NMRAL1: variants seen among roughly 807,000 people sequenced by gnomAD.
NMRAL1 encodes NmrA like redox sensor 1.
A neutral mutation model predicts 27.5 loss-of-function variants in NMRAL1; 32 were observed. That is an observed-to-expected ratio of 1.16 (90% CI 0.88 to 1.56). The LOEUF (loss-of-function observed/expected upper bound fraction) is 1.56. Among genes scored for constraint, NMRAL1 ranks in the 40% most tolerant of loss-of-function variants. The pLI, the probability that NMRAL1 is intolerant of heterozygous loss-of-function variation, is 0.00. For synonymous variants in NMRAL1, 166 were observed against 166.8 expected (o/e 1.00, Z 0.04); for missense variants, 420 against 392.0 (o/e 1.07, Z -0.60).
intron 4 of NMRAL1, 134 bp downstream of exon 4, chr16:4,466,019 G>C (rs1233096498): frequency 5.9e-6 from 6 of 1,009,144 alleles, no homozygotes; most frequent in Admixed American, 2.2e-5. Context: ...GACAGGATGT[G>C]CTCAGTCCTG....
intron 2 of NMRAL1, 141 bp from the exon 3 acceptor site, chr16:4,469,606 A>C (rs2057471555): frequency 6.8e-7 from 1 of 1,481,164 alleles, no homozygotes; most frequent in Non-Finnish European, 8.9e-7. Flanking sequence ...AGGTATTTTT[A>C]TTTTCTTTAT....
intron 3 of NMRAL1, chr16:4,467,280 C>G (rs532023260): frequency 1.3e-5 from 2 of 152,540 alleles, no homozygotes; most frequent in Admixed American, 6.5e-5. Context: ...GTCACCCAGG[C>G]AGGAGTGCAG....
intron 3 of NMRAL1, among the ~76,000 whole-genome samples, chr16:4,467,347 C>T (rs978057983): frequency 6.6e-6 from 1 of 152,106 alleles, no homozygotes; most frequent in African/African-American, 2.4e-5. Flanking sequence ...AATTCTCCTG[C>T]CTCACCCTCC....
At chr16:4,475,606 C>T (rs1383930648), upstream of NMRAL1, among the ~76,000 whole-genome samples, 3 of 152,094 alleles carry the variant, frequency 2.0e-5, no homozygotes, top group East Asian at 5.8e-4. Context: ...GCCACCACAC[C>T]CGGCCCACGA....
Position 4,469,446 on chromosome 16 carries a change from C to T in NMRAL1, c.60G>A (p.Val20=). The T allele has an allele frequency of 1.2e-6, 2 of 1,613,942 alleles. No homozygotes were observed. Among genetic ancestry groups the T allele is most frequent in the Non-Finnish European group, 1.7e-6 (2 of 1,179,946 alleles). Residue 20 remains valine (V), a synonymous_variant, in exon 3 of 6, where the codon GTG becomes GTA. Coordinates refer to ENST00000283429, the MANE Select transcript of NMRAL1 (RefSeq NM_020677.6). ...TCCCATCTTCCAGGAGTGTGCGGGCCACGGAGCCACCCTGGGCACCTACAA... is the reference window on the plus strand; with the variant it reads ...TCCCATCTTCCAGGAGTGTGCGGGCTACGGAGCCACCCTGGGCACCTACAA... ...FGGTGAQGGS[V]ARTLLEDGTF...
At position 4,467,923 on chromosome 16, in the gene NMRAL1, T is replaced by G. The variant is rs143173106; in HGVS notation, c.279+1304A>C. Among the ~76,000 whole-genome samples, 793 of 151,960 alleles carry G rather than the reference T, an allele frequency of 5.2e-3. 6 individuals are homozygous for G. Among genetic ancestry groups the G allele is most frequent in the Non-Finnish European group, 9.2e-3 (626 of 67,944 alleles). Reference sequence around the variant, plus strand: ...GCATGAGCCACTGTGCCCAGCTGATTTCTATGGTTTTAAGCCACGTGGATT... The same window carrying G: ...GCATGAGCCACTGTGCCCAGCTGATGTCTATGGTTTTAAGCCACGTGGATT... On this transcript the variant is annotated intron_variant, in intron 3 of 5. Coordinates refer to ENST00000283429, the MANE Select transcript of NMRAL1 (RefSeq NM_020677.6).
intron 4 of NMRAL1, chr16:4,464,370 T>A (rs2057232472): frequency 6.4e-6 from 1 of 156,178 alleles, no homozygotes; most frequent in East Asian, 1.9e-4. Flanking sequence ...ACGGCTGGCC[T>A]AGAGCAGCAC....
At chr16:4,462,131 G>A (rs915945569) in intron 5 of NMRAL1, among the ~76,000 whole-genome samples, 172 bp from the exon 6 acceptor site, 1 of 152,172 alleles carries the variant, frequency 6.6e-6, no homozygotes, top group Non-Finnish European at 1.5e-5. Context: ...TCTAAGAGCC[G>A]AAAGTTCAGA....
chr16:4,461,757 C>T lies in NMRAL1; in HGVS notation c.*23G>A. 6.3e-7 allele frequency: 1 copy of T among 1,593,484 alleles called. No individual in the cohort carries two copies. The highest frequency in any genetic ancestry group is 8.5e-7 in the Non-Finnish European group (1 of 1,170,086). On this transcript the variant is annotated 3_prime_UTR_variant, in exon 6 of 6. Transcript: ENST00000283429. ...GCCCCTCTGGTGCCCCCGATCCCCA[C>T]AAGGGGCCGCGAGGCGGGCAGGTCA... is the stretch of plus-strand genomic sequence containing the variant.
At chr16:4,471,619 CAAAAAA>C (rs997725293) in intron 2 of NMRAL1, among the ~76,000 whole-genome samples, 1 of 58,502 alleles carries the variant, frequency 1.7e-5, no homozygotes, top group Non-Finnish European at 4.0e-5. Flanking sequence ...GCCCTGTCTC[CAAAAAA>C]AAAAAAAAAA....
intron 2 of NMRAL1, among the ~76,000 whole-genome samples, chr16:4,469,864 A>AT (rs1283005931): frequency 7.7e-6 from 1 of 130,194 alleles, no homozygotes; most frequent in Non-Finnish European, 1.6e-5. Context: ...GAGAATCTGT[A>AT]TTAAAAAAAA....
At chr16:4,472,467 G>T (rs559153211) in intron 2 of NMRAL1, among the ~76,000 whole-genome samples, 1 of 151,904 alleles carries the variant, frequency 6.6e-6, no homozygotes, top group Admixed American at 6.6e-5. Flanking sequence ...AAAGTTGGCC[G>T]GGCGCGGTGG....
chr16:4,473,157 C>A (rs889724676), intron 2 of NMRAL1, among the ~76,000 whole-genome samples: 3 of 151,702 alleles, frequency 2.0e-5, no homozygotes, highest in Non-Finnish European at 4.4e-5. Flanking sequence ...TTTGTAGAGA[C>A]GAGATTTTGC....
chr16:4,468,752 C>T (rs1353391614), intron 3 of NMRAL1, among the ~76,000 whole-genome samples: 1 of 151,636 alleles, frequency 6.6e-6, no homozygotes, highest in African/African-American at 2.4e-5. Context: ...TACACGTGGA[C>T]ATGAAGGCAA....
At chr16:4,468,365 C>T (rs370200747) in intron 3 of NMRAL1, among the ~76,000 whole-genome samples, 118 of 152,216 alleles carry the variant, frequency 7.8e-4, no homozygotes, top group African/African-American at 2.7e-3. Flanking sequence ...CCTGTAATCC[C>T]AGCACTTTGG....
At chr16:4,463,620 C>T (rs962738868) in intron 5 of NMRAL1, 40 bp downstream of exon 5, 1 of 1,603,170 alleles carries the variant, frequency 6.2e-7, no homozygotes, top group African/African-American at 1.3e-5. Flanking sequence ...CTAGAAAGCC[C>T]TGACAAGGAT....
At chr16:4,469,017 C>A (rs143329249) in intron 3 of NMRAL1, among the ~76,000 whole-genome samples, 5 of 149,392 alleles carry the variant, frequency 3.3e-5, no homozygotes, top group African/African-American at 1.2e-4. Flanking sequence ...TGGTTGCTCA[C>A]GGAGACTGAG....
rs777808765 is a variant in NMRAL1, at chr16:4,466,150, TACTC to T, written c.528_529+2del. On this transcript the variant is annotated splice_donor_variant and coding_sequence_variant, in exon 4 of 6. Coordinates refer to ENST00000283429, the MANE Select transcript of NMRAL1 (RefSeq NM_020677.6). LOFTEE classifies it high-confidence loss of function. ...CTCACCGTGTGCGAGAAAGGGCACT[TACTC>T]AGCAAGTAGCTCTTTCCGTCTGGGG... 1.4e-5 allele frequency: 22 copies of T among 1,614,112 alleles called. No individual in the cohort carries two copies. Among genetic ancestry groups the T allele is most frequent in the South Asian group, 8.8e-5 (8 of 91,084 alleles).
In NMRAL1 at chr16:4,461,936, C is replaced by T. The variant is rs1270779017; in HGVS notation, c.744G>A (p.Lys248=). Residue 248 remains lysine, a synonymous_variant, in exon 6 of 6, where the codon AAG becomes AAA. Coordinates refer to ENST00000283429, the MANE Select transcript of NMRAL1 (RefSeq NM_020677.6). ...DAKMTPEDYE[K]LGFPGARDLA... is the part of the protein sequence containing the mutation. ...GGTCCCGGGCACCGGGAAAGCCAAG[C>T]TTTTCGTAGTCCTCAGGAGTCATCT... 1 of 1,613,624 alleles carries T rather than the reference C, an allele frequency of 6.2e-7. No individual in the cohort carries two copies. Among genetic ancestry groups the T allele is most frequent in the South Asian group, 1.1e-5 (1 of 91,050 alleles).
Sources: gnomAD v4.1 joint callset for allele counts (sites outside exome capture counted in the v4.1 genomes callset) on GRCh38, gnomAD v4.1.1 for gene constraint, MANE v1.5 for transcripts, NCBI Gene and HGNC (gene_info 2026-07-23, HGNC 2026-07-21) for gene names.